ADK: variants seen among roughly 807,000 people sequenced by gnomAD.
ADK encodes the protein adenosine kinase, also known as N6,N6-dimethyladenosine kinase.
A neutral mutation model predicts 44.7 loss-of-function variants in ADK; 24 were observed. The ratio of observed to expected loss-of-function variants is 0.54; its 90% CI spans 0.39 to 0.76. ADK has a LOEUF of 0.76. Among genes scored for constraint, ADK ranks in the 30% least tolerant of loss-of-function variants. The probability of loss-of-function intolerance (pLI) is 0.00; values close to 1 mark genes in which losing one functional copy is unlikely to be tolerated. For missense variants in ADK, 321 were observed against 425.1 expected, an observed-to-expected ratio of 0.76 and a Z score of 2.15; for synonymous variants, 128 against 142.6, an observed-to-expected ratio of 0.90 and a Z score of 0.73.
chr10:74,357,732 C>T (rs1467071541), intron 4 of ADK, among the ~76,000 whole-genome samples: 4 of 151,950 alleles, frequency 2.6e-5, no homozygotes, highest in African/African-American at 9.7e-5. Context: ...GTGCTAATGA[C>T]TAGTATTTGG....
chr10:74,576,447 A>T (rs1589264319), intron 7 of ADK, among the ~76,000 whole-genome samples: 1 of 152,308 alleles, frequency 6.6e-6, no homozygotes, highest in East Asian at 1.9e-4. Flanking sequence ...AGTTAAAATT[A>T]AATCTCTGAA....
At chr10:74,227,488 T>C (rs893787057) in intron 3 of ADK, among the ~76,000 whole-genome samples, 1 of 152,138 alleles carries the variant, frequency 6.6e-6, no homozygotes, top group African/African-American at 2.4e-5. Context: ...GGTGGAAGGA[T>C]TGCTTGAGGC....
intron 2 of ADK, among the ~76,000 whole-genome samples, chr10:74,206,280 T>C (rs1207375648): frequency 1.3e-5 from 2 of 152,206 alleles, no homozygotes; most frequent in Non-Finnish European, 2.9e-5. Context: ...TGGTCTTTGC[T>C]ATGTCTGAAG....
chr10:74,518,440 G>A (rs899092268), intron 6 of ADK, among the ~76,000 whole-genome samples: 1 of 151,906 alleles, frequency 6.6e-6, no homozygotes, highest in African/African-American at 2.4e-5. Context: ...GTTCCTTTTT[G>A]AGCCTTCTGT....
chr10:74,485,653 C>T (rs2133370615), intron 6 of ADK, among the ~76,000 whole-genome samples: 1 of 152,054 alleles, frequency 6.6e-6, no homozygotes, highest in Middle Eastern at 3.4e-3. Context: ...GATACAAATT[C>T]CCTACTATCC....
At chr10:74,496,132 G>A (rs1847676767) in intron 6 of ADK, among the ~76,000 whole-genome samples, 1 of 152,152 alleles carries the variant, frequency 6.6e-6, no homozygotes, top group African/African-American at 2.4e-5. Flanking sequence ...CTTTGGAGGG[G>A]GCGAGGGGGT....
rs553022160 is a variant in ADK at position 74,216,900 on chromosome 10, G to A, written c.141-7638G>A. On this transcript the variant is annotated intron_variant, in intron 2 of 10. Transcript: ENST00000539909. ...AAAAGTGAGAGGAGCCCAGATGGCC[G>A]AATAGGAACAGCTCCGGTCTACAGC... 5.9e-5 allele frequency among the ~76,000 whole-genome samples: 9 copies of A among 152,250 alleles called. No homozygotes were observed. In the South Asian group the frequency reaches 8.3e-4, roughly 14 times the overall value.
At chr10:74,315,196 C>A (rs1840574373) in intron 4 of ADK, among the ~76,000 whole-genome samples, 1 of 152,064 alleles carries the variant, frequency 6.6e-6, no homozygotes, top group South Asian at 2.1e-4. Flanking sequence ...TCATTTCCTG[C>A]ATGTCCCCCT....
At chr10:74,219,534 A>G (rs138661907) in intron 2 of ADK, among the ~76,000 whole-genome samples, 9,676 of 152,280 alleles carry the variant, frequency 0.064, 369 homozygotes, top group Middle Eastern at 0.14. Flanking sequence ...AGACATCTAC[A>G]GAACTCTCCA....
intron 1 of ADK, among the ~76,000 whole-genome samples, chr10:74,197,390 G>A (rs913722526): frequency 2.0e-5 from 3 of 152,238 alleles, no homozygotes; most frequent in African/African-American, 7.2e-5. Context: ...AAGTCTCCCA[G>A]CAAGCTACCT....
intron 4 of ADK, among the ~76,000 whole-genome samples, chr10:74,369,902 A>C (rs1842606910): frequency 6.6e-6 from 1 of 152,226 alleles, no homozygotes; most frequent in Non-Finnish European, 1.5e-5. Context: ...ATCTACAAAA[A>C]GGTACTAGAA....
chr10:74,523,526 G>A (rs1056079490), intron 6 of ADK, among the ~76,000 whole-genome samples: 9 of 149,292 alleles, frequency 6.0e-5, no homozygotes, highest in Non-Finnish European at 1.2e-4. Context: ...TTTTTCCTTC[G>A]TCGTCTTTTG....
chr10:74,494,625 T>C (rs1229557714), intron 6 of ADK, among the ~76,000 whole-genome samples: 1 of 152,172 alleles, frequency 6.6e-6, no homozygotes, highest in Non-Finnish European at 1.5e-5. Flanking sequence ...ATAAATCATG[T>C]GCTCTGAAAG....
chr10:74,708,835 C>T lies in ADK; in HGVS notation c.*390C>T. ...AGATTTTTTAATGAATTAATCTTAA[C>T]ATAGTAATCTTTAGCTTTTTATACA... is the stretch of plus-strand genomic sequence containing the variant. On this transcript the variant is annotated 3_prime_UTR_variant, in exon 11 of 11. Transcript: ENST00000539909. The T allele has an allele frequency of 4.6e-6, 1 of 217,840 alleles. No homozygotes were observed. The highest frequency in any genetic ancestry group is 9.3e-6 in the Non-Finnish European group (1 of 107,752). 13.5% of individuals were successfully genotyped at this position (217,840 alleles called of 1,614,324 possible).
intron 9 of ADK, among the ~76,000 whole-genome samples, chr10:74,665,240 T>A (rs1416597424): frequency 6.6e-6 from 1 of 152,194 alleles, no homozygotes; most frequent in Admixed American, 6.6e-5. Context: ...AATAGTTTTT[T>A]AAAAGAAACA....
At chr10:74,391,897 T>C (rs571214885) in intron 4 of ADK, among the ~76,000 whole-genome samples, 3 of 152,282 alleles carry the variant, frequency 2.0e-5, no homozygotes, top group African/African-American at 7.2e-5. Flanking sequence ...ATTCTACTTA[T>C]GTTTCTATGA....
At chr10:74,222,558 A>T (rs1422747418) in intron 2 of ADK, among the ~76,000 whole-genome samples, 1 of 152,192 alleles carries the variant, frequency 6.6e-6, no homozygotes, top group Admixed American at 6.5e-5. Context: ...AGACACATGC[A>T]CACGTTTGTT....
intron 6 of ADK, among the ~76,000 whole-genome samples, chr10:74,419,871 A>G (rs1030326947): frequency 6.6e-6 from 1 of 152,216 alleles, no homozygotes; most frequent in Non-Finnish European, 1.5e-5. Context: ...TTAGAAAAAA[A>G]GAACTATAGG....
At chr10:74,490,359 A>G (rs1282686370) in intron 6 of ADK, among the ~76,000 whole-genome samples, 1 of 152,138 alleles carries the variant, frequency 6.6e-6, no homozygotes, top group African/African-American at 2.4e-5. Flanking sequence ...ATGTAGAACG[A>G]TGTTAAACCC....
Sources: allele counts gnomAD v4.1 joint callset (sites outside exome capture counted in the v4.1 genomes callset), GRCh38; gene constraint gnomAD v4.1.1; transcripts MANE v1.5; gene names NCBI Gene and HGNC (gene_info 2026-07-23, HGNC 2026-07-21).